Variants in TEAD1 observed in about 807,000 individuals in gnomAD.
TEAD1 encodes the protein transcriptional enhancer factor TEF-1.
A neutral mutation model predicts 54.9 loss-of-function variants in TEAD1; 9 were observed. That is an observed-to-expected ratio of 0.16 (90% CI 0.10 to 0.29). TEAD1 has a LOEUF of 0.29. TEAD1 is among the 10% of genes least tolerant of loss of function. The pLI, the probability that TEAD1 is intolerant of heterozygous loss-of-function variation, is 1.00. For synonymous variants in TEAD1, 200 were observed against 187.8 expected (o/e 1.07, Z -0.53); for missense variants, 387 against 535.9 (o/e 0.72, Z 2.74).
chr11:12,754,352 C>G (rs1944941857), intron 2 of TEAD1, among the ~76,000 whole-genome samples: 2 of 152,294 alleles, frequency 1.3e-5, no homozygotes, highest in South Asian at 2.1e-4. Flanking sequence ...GTTTTATGAT[C>G]ATGTTTTGGG....
intron 2 of TEAD1, among the ~76,000 whole-genome samples, chr11:12,685,210 A>C (rs1943308262): frequency 6.6e-6 from 1 of 152,178 alleles, no homozygotes; most frequent in Non-Finnish European, 1.5e-5. Context: ...TGTGCTAATT[A>C]ATCTGGTTTC....
chr11:12,762,981 C>G (rs1286200402), intron 2 of TEAD1, among the ~76,000 whole-genome samples: 6 of 152,316 alleles, frequency 3.9e-5, no homozygotes, highest in Non-Finnish European at 8.8e-5. Context: ...ACATGAAACC[C>G]TCCCTACTCA....
chr11:12,832,980 G>C (rs1400879641), intron 3 of TEAD1, among the ~76,000 whole-genome samples: 3 of 152,232 alleles, frequency 2.0e-5, no homozygotes, highest in Non-Finnish European at 4.4e-5. Flanking sequence ...AATTATGCTA[G>C]CAGTTGTCCA....
At chr11:12,686,321 G>A (rs1041249794) in intron 2 of TEAD1, among the ~76,000 whole-genome samples, 3 of 152,190 alleles carry the variant, frequency 2.0e-5, no homozygotes, top group Non-Finnish European at 4.4e-5. Flanking sequence ...ACTTTTGAAG[G>A]ATTGTCCCAG....
At chr11:12,682,387 G>A (rs1330228090) in intron 2 of TEAD1, among the ~76,000 whole-genome samples, 3 of 152,204 alleles carry the variant, frequency 2.0e-5, no homozygotes, top group East Asian at 1.9e-4. Context: ...GTTTCCAGAT[G>A]TGATTGTAGA....
intron 3 of TEAD1, among the ~76,000 whole-genome samples, chr11:12,802,710 C>T (rs569585786): frequency 6.6e-6 from 1 of 152,132 alleles, no homozygotes; most frequent in South Asian, 2.1e-4. Flanking sequence ...CCGACCCGAC[C>T]GGGTCTCAGG....
At chr11:12,793,950 G>GCAA (rs760918186) in intron 3 of TEAD1, among the ~76,000 whole-genome samples, 29 of 152,322 alleles carry the variant, frequency 1.9e-4, no homozygotes, top group Non-Finnish European at 4.1e-4. Context: ...TTGAAGAATT[G>GCAA]GTTTTGGAAC....
chr11:12,872,030 A>G (rs16911697), intron 5 of TEAD1, among the ~76,000 whole-genome samples: 5,063 of 152,138 alleles, frequency 0.033, 285 homozygotes, highest in African/African-American at 0.11. Flanking sequence ...GGTGGCCTTT[A>G]TGATTTGATT....
intron 2 of TEAD1, among the ~76,000 whole-genome samples, chr11:12,709,540 G>C (rs1375173308): frequency 6.6e-6 from 1 of 151,986 alleles, no homozygotes; most frequent in Non-Finnish European, 1.5e-5. Context: ...TTATTTTAGA[G>C]ATGAGGGTCT....
At position 12,838,385 on chromosome 11, in the gene TEAD1, C is replaced by T. The variant is rs934454448; in HGVS notation, c.203-23865C>T. 5.3e-5 allele frequency among the ~76,000 whole-genome samples: 8 copies of T among 152,230 alleles called. No homozygotes were observed. The East Asian group carries it at 1.4e-3, about 26-fold the overall frequency. On this transcript the variant is annotated intron_variant, in intron 3 of 12. Coordinates refer to ENST00000527636, the MANE Select transcript of TEAD1 (RefSeq NM_021961.6). ...AGGGAGAAAACCAACCTTTACTTTT[C>T]GATTGTGTAATTGTGATCAGAATAG...
intron 9 of TEAD1, among the ~76,000 whole-genome samples, chr11:12,896,916 G>A (rs1048848909): frequency 1.3e-5 from 2 of 152,188 alleles, no homozygotes; most frequent in Non-Finnish European, 2.9e-5. Flanking sequence ...ATTAAAATCT[G>A]TAAAACAGGC....
At position 12,782,028 on chromosome 11, in the gene TEAD1, T is replaced by C. The variant is rs1238631219; in HGVS notation, c.202+17594T>C. Reference sequence around the variant, plus strand: ...AGCCAAGCGTGGTAGTGCACACCTGTAGCCCCTGCTACTCAGCTGGCTGAG... The same window carrying C: ...AGCCAAGCGTGGTAGTGCACACCTGCAGCCCCTGCTACTCAGCTGGCTGAG... On this transcript the variant is annotated intron_variant, in intron 3 of 12. Transcript: ENST00000527636. Among the ~76,000 whole-genome samples, 3 of 150,536 alleles carry C rather than the reference T, an allele frequency of 2.0e-5. No homozygotes were observed. The East Asian group carries it at 5.8e-4, about 29-fold the overall frequency.
intron 3 of TEAD1, 90 bp from the exon 4 acceptor site, chr11:12,862,160 T>C (rs1947519713): frequency 1.0e-6 from 1 of 1,002,446 alleles, no homozygotes. Flanking sequence ...TTTAAAATTC[T>C]TGATTCTGAA....
chr11:12,828,678 ATT>A (rs34495066), intron 3 of TEAD1, among the ~76,000 whole-genome samples: 151 of 140,866 alleles, frequency 1.1e-3, no homozygotes, highest in East Asian at 1.4e-3. Flanking sequence ...TAACTGAGTG[ATT>A]TTTTTTTTTT....
At chr11:12,816,486 T>A (rs1946418932) in intron 3 of TEAD1, among the ~76,000 whole-genome samples, 2 of 152,190 alleles carry the variant, frequency 1.3e-5, no homozygotes, top group African/African-American at 4.8e-5. Context: ...TTTTGGTATT[T>A]GTAGTGGCTT....
At chr11:12,703,803 G>A (rs376795596) in intron 2 of TEAD1, among the ~76,000 whole-genome samples, 34 of 152,292 alleles carry the variant, frequency 2.2e-4, no homozygotes, top group African/African-American at 7.7e-4. Context: ...ACCTGCAGGA[G>A]CAGCCATCTA....
At chr11:12,819,708 C>G (rs1334495928) in intron 3 of TEAD1, among the ~76,000 whole-genome samples, 1 of 152,134 alleles carries the variant, frequency 6.6e-6, no homozygotes, top group African/African-American at 2.4e-5. Context: ...GCCTCGGTCT[C>G]CCAAAGTGCT....
intron 12 of TEAD1, 95 bp downstream of exon 12, chr11:12,930,421 G>T: frequency 6.8e-7 from 1 of 1,464,628 alleles, no homozygotes; most frequent in Non-Finnish European, 9.5e-7. Flanking sequence ...GGCCTGCGCC[G>T]AGGGAACTGA....
chr11:12,881,882 C>T lies in TEAD1; in HGVS notation c.513-14C>T. 1 of 1,614,070 alleles carries T rather than the reference C, an allele frequency of 6.2e-7. No homozygotes were observed. The highest frequency in any genetic ancestry group is 8.5e-7 in the Non-Finnish European group (1 of 1,179,890). On this transcript the variant is annotated splice_polypyrimidine_tract_variant and intron_variant, in intron 7 of 12. Transcript: ENST00000527636. ...GCGATCTCTTAACTCTGTCTGCCAT[C>T]TCTCTGTTCCCAGCGTCAAGCCTTT... is the stretch of plus-strand genomic sequence containing the variant.
Sources: gnomAD v4.1 joint callset for allele counts (sites outside exome capture counted in the v4.1 genomes callset) on GRCh38, gnomAD v4.1.1 for gene constraint, MANE v1.5 for transcripts, NCBI Gene and HGNC (gene_info 2026-07-23, HGNC 2026-07-21) for gene names.